RPRD1B: variants seen among roughly 807,000 people sequenced by gnomAD.
The protein encoded by RPRD1B is regulation of nuclear pre-mRNA domain containing 1B, also known as regulation of nuclear pre-mRNA domain-containing protein 1B.
In RPRD1B, 11 loss-of-function variants were observed where a neutral mutation model predicts 41.5. The observed-to-expected ratio is 0.27, with a 90% CI of 0.17 to 0.44. RPRD1B has a LOEUF of 0.44. Ranked by LOEUF, RPRD1B falls within the 20% of genes least tolerant of loss-of-function variation. RPRD1B has a pLI of 1.00. For synonymous variants in RPRD1B, 158 were observed against 155.6 expected (o/e 1.02, Z -0.12); for missense variants, 248 against 389.9 (o/e 0.64, Z 3.06).
intron 6 of RPRD1B, among the ~76,000 whole-genome samples, chr20:38,076,907 T>G (rs1001616270): frequency 1.7e-4 from 6 of 35,498 alleles, no homozygotes; most frequent in Non-Finnish European, 3.1e-4. Context: ...ATTCTGGACC[T>G]TTTTTTTTTT....
chr20:38,049,892 C>T, intron 3 of RPRD1B: 1 of 468,874 alleles, frequency 2.1e-6, no homozygotes, highest in Non-Finnish European at 4.4e-6. Flanking sequence ...TCCTCACTTA[C>T]ACTGTATTCT....
intron 1 of RPRD1B, among the ~76,000 whole-genome samples, 188 bp from the exon 2 acceptor site, chr20:38,040,247 C>CTT (rs11477093): frequency 4.7e-5 from 7 of 147,434 alleles, no homozygotes; most frequent in African/African-American, 1.2e-4. Flanking sequence ...TTTTCTTTTT[C>CTT]TTTTTTTTTT....
At chr20:38,045,686 G>C (rs572971638) in intron 2 of RPRD1B, among the ~76,000 whole-genome samples, 1 of 152,156 alleles carries the variant, frequency 6.6e-6, no homozygotes, top group East Asian at 1.9e-4. Context: ...TGGTGGGTGT[G>C]TGTTGTGATA....
At chr20:38,041,944 T>C (rs1042869258) in intron 2 of RPRD1B, among the ~76,000 whole-genome samples, 1 of 152,170 alleles carries the variant, frequency 6.6e-6, no homozygotes, top group African/African-American at 2.4e-5. Flanking sequence ...TTATGTAGCT[T>C]GAAGGAATAC....
At chr20:38,034,924 C>T (rs2073982717) in intron 1 of RPRD1B, among the ~76,000 whole-genome samples, 1 of 152,200 alleles carries the variant, frequency 6.6e-6, no homozygotes. Flanking sequence ...CTGTCTGTGC[C>T]TTAATTTTCT....
chr20:38,074,041 C>T (rs2074436664), intron 6 of RPRD1B, among the ~76,000 whole-genome samples: 2 of 152,238 alleles, frequency 1.3e-5, no homozygotes, highest in Admixed American at 1.3e-4. Flanking sequence ...CATTCTGTTG[C>T]CAAGTAATTA....
chr20:38,091,575 A>G lies in RPRD1B; in HGVS notation c.*1700A>G. On this transcript the variant is annotated 3_prime_UTR_variant, in exon 7 of 7. Coordinates refer to ENST00000373433, the MANE Select transcript of RPRD1B (RefSeq NM_021215.4). ...TTTTCTTCCAGAGGCCATAGGTGACATCACTAAAATTGCAAGATAAATTGT... is the reference window on the plus strand; with the variant it reads ...TTTTCTTCCAGAGGCCATAGGTGACGTCACTAAAATTGCAAGATAAATTGT... 1 of 985,482 alleles carries G rather than the reference A, an allele frequency of 1.0e-6. No homozygotes were observed. The highest frequency in any genetic ancestry group is 1.2e-6 in the Non-Finnish European group (1 of 829,972). The allele number at this position is 985,482 out of a possible 1,614,324, so 61.0% of individuals were successfully genotyped here.
chr20:38,059,494 A>G lies in RPRD1B; in HGVS notation c.629A>G (p.Asp210Gly). The change falls in exon 5 of 7, where the codon GAT (aspartate) becomes GGT (glycine). Residue 210 changes from aspartate (D) to glycine (G), a missense_variant. Physicochemically the swap from Asp to Gly is moderately conservative, Grantham distance 94 (BLOSUM62 -1). Around this residue, in one of 5 missense-constraint regions of RPRD1B, gnomAD observed 93 missense variants for 167.2 expected, o/e 0.56. Transcript: ENST00000373433. ...GCTTCTCTGCCCCAGGAAGTGCAAG[A>G]TGTTTCTCTATTGGAAAAAATAACA... Reference protein sequence around the residue: ...KIASLPQEVQDVSLLEKITDK... With the variant: ...KIASLPQEVQGVSLLEKITDK... 1 of 1,614,080 alleles carries G rather than the reference A, an allele frequency of 6.2e-7. No individual in the cohort carries two copies. Among genetic ancestry groups the G allele is most frequent in the Non-Finnish European group, 8.5e-7 (1 of 1,179,970 alleles).
chr20:38,083,740 G>A (rs1048182275), intron 6 of RPRD1B, among the ~76,000 whole-genome samples: 1 of 152,152 alleles, frequency 6.6e-6, no homozygotes, highest in Non-Finnish European at 1.5e-5. Flanking sequence ...TTTATTACGG[G>A]TTTTGATAGT....
In RPRD1B at chr20:38,091,199, A is replaced by T; in HGVS notation, c.*1324A>T. 1.0e-6 allele frequency: 1 copy of T among 985,886 alleles called. No homozygotes were observed. The highest frequency in any genetic ancestry group is 1.2e-6 in the Non-Finnish European group (1 of 829,936). The allele number at this position is 985,886 out of a possible 1,614,324, so 61.1% of individuals were successfully genotyped here. The stretch of plus-strand genomic sequence containing the variant: ...AGTAGTGTAATAGGAGTTATAGACC[A>T]GAGGCTGAAACCCAAACTATATAAA... On this transcript the variant is annotated 3_prime_UTR_variant, in exon 7 of 7. Coordinates refer to ENST00000373433, the MANE Select transcript of RPRD1B (RefSeq NM_021215.4).
chr20:38,042,376 T>A (rs1354307669), intron 2 of RPRD1B, among the ~76,000 whole-genome samples: 2 of 151,944 alleles, frequency 1.3e-5, no homozygotes, highest in Non-Finnish European at 2.9e-5. Flanking sequence ...AGACAAACGA[T>A]CTGTAATCTT....
Position 38,092,277 on chromosome 20 carries a change from GA to G in RPRD1B, c.*2404del. On this transcript the variant is annotated 3_prime_UTR_variant, in exon 7 of 7. Coordinates refer to ENST00000373433, the MANE Select transcript of RPRD1B (RefSeq NM_021215.4). ...TTGTATATTAATTTAGGACTATTTA[GA>G]AGTATAGGCTGTCGTTGGCGGCAGC... 2.0e-6 allele frequency: 2 copies of G among 984,954 alleles called. No individual in the cohort carries two copies. The highest frequency in any genetic ancestry group is 2.4e-6 in the Non-Finnish European group (2 of 829,140). The allele number at this position is 984,954 out of a possible 1,614,324, so 61.0% of individuals were successfully genotyped here.
At chr20:38,048,698 T>C in intron 3 of RPRD1B, 1 of 623,972 alleles carries the variant, frequency 1.6e-6, no homozygotes, top group Non-Finnish European at 2.0e-6. Context: ...CCCTGACTTT[T>C]GCTCTCTGTT....
chr20:38,049,661 C>T, intron 3 of RPRD1B: 1 of 467,466 alleles, frequency 2.1e-6, no homozygotes, highest in South Asian at 1.6e-5. Flanking sequence ...AGCCACCTCA[C>T]CTGGCCTATT....
intron 6 of RPRD1B, among the ~76,000 whole-genome samples, chr20:38,075,177 G>C (rs1409959384): frequency 6.6e-6 from 1 of 152,208 alleles, no homozygotes; most frequent in Admixed American, 6.5e-5. Flanking sequence ...TATACTGAAG[G>C]TCATATACAT....
At chr20:38,039,485 A>G (rs1228330337) in intron 1 of RPRD1B, among the ~76,000 whole-genome samples, 2 of 151,532 alleles carry the variant, frequency 1.3e-5, no homozygotes, top group African/African-American at 4.9e-5. Flanking sequence ...GCTCACCACA[A>G]CCTCTACCTC....
chr20:38,084,687 G>A (rs989487733), intron 6 of RPRD1B, among the ~76,000 whole-genome samples: 4 of 152,266 alleles, frequency 2.6e-5, no homozygotes, highest in Admixed American at 6.5e-5. Context: ...TGGAGTTCAC[G>A]GTGTCAGCTG....
At chr20:38,049,834 C>G in intron 3 of RPRD1B, 1 of 471,106 alleles carries the variant, frequency 2.1e-6, no homozygotes, top group South Asian at 1.5e-5. Flanking sequence ...TATTGAAGAC[C>G]CTTTCTATCT....
In RPRD1B at chr20:38,092,102, G is replaced by A. The variant is rs775791466; in HGVS notation, c.*2227G>A. 1.0e-6 allele frequency: 1 copy of A among 985,666 alleles called. No homozygotes were observed. The highest frequency in any genetic ancestry group is 4.7e-5 in the South Asian group (1 of 21,266). 61.1% of individuals were successfully genotyped at this position (985,666 alleles called of 1,614,324 possible). A position where few individuals can be genotyped will look rare whatever the true frequency, so the allele number is the denominator to read the frequency against. ...TATGAGGTGACTTGGTGGGTGGGGT[G>A]GGTGGTTTTTGTTTTTGTGTTTTTT... On this transcript the variant is annotated 3_prime_UTR_variant, in exon 7 of 7. Coordinates refer to ENST00000373433, the MANE Select transcript of RPRD1B (RefSeq NM_021215.4).
Sources: gnomAD v4.1 joint callset for allele counts (sites outside exome capture counted in the v4.1 genomes callset) on GRCh38, gnomAD v4.1.1 for gene constraint, gnomAD v4.1.1 regional missense constraint, MANE v1.5 for transcripts, NCBI Gene and HGNC (gene_info 2026-07-23, HGNC 2026-07-21) for gene names.